GLT8D2: variants seen among roughly 807,000 people sequenced by gnomAD.
GLT8D2 encodes the protein glycosyltransferase 8 domain containing 2, also known as glycosyltransferase 8 domain-containing protein 2.
GLT8D2 carries 45 observed loss-of-function variants against 44.5 expected under a neutral mutation model. The observed-to-expected ratio is 1.01, with a 90% confidence interval of 0.80 to 1.30. GLT8D2 has a LOEUF of 1.30. Among genes scored for constraint, GLT8D2 ranks in the 50% most tolerant of loss-of-function variants. The pLI is 0.00. For missense variants in GLT8D2, 400 were observed against 430.4 expected (o/e 0.93, Z 0.62); for synonymous variants, 156 against 157.2 (o/e 0.99, Z 0.06).
At chr12:104,052,462 T>C (rs1881803144), upstream of GLT8D2, among the ~76,000 whole-genome samples, 1 of 152,228 alleles carries the variant, frequency 6.6e-6, no homozygotes, top group Non-Finnish European at 1.5e-5. Flanking sequence ...AAGTTAGCGA[T>C]GAAGCCAGGA....
intron 1 of GLT8D2, among the ~76,000 whole-genome samples, chr12:104,029,511 AAGAGAG>A (rs1298236021): frequency 6.6e-6 from 1 of 152,120 alleles, no homozygotes; most frequent in Non-Finnish European, 1.5e-5. Flanking sequence ...TGTGTGTAGA[AAGAGAG>A]AGAGTGAGAG....
intron 4 of GLT8D2, among the ~76,000 whole-genome samples, chr12:104,005,427 C>T (rs1237059758): frequency 6.6e-6 from 1 of 152,110 alleles, no homozygotes; most frequent in Non-Finnish European, 1.5e-5. Flanking sequence ...AAAGAAACTA[C>T]CATCAGAGTG....
chr12:104,030,680 C>G, intron 1 of GLT8D2: 1 of 1,561,452 alleles, frequency 6.4e-7, no homozygotes, highest in South Asian at 1.1e-5. Flanking sequence ...GAAACTCATA[C>G]AACTCAATAG....
intron 1 of GLT8D2, among the ~76,000 whole-genome samples, chr12:104,057,458 T>A (rs1281476276): frequency 6.6e-6 from 1 of 151,974 alleles, no homozygotes; most frequent in African/African-American, 2.4e-5. Flanking sequence ...GAGGTCAAGG[T>A]TGTGGTGAGC....
chr12:104,064,026 T>C lies in GLT8D2; in HGVS notation c.-500A>G, dbSNP rs1285192468. 6.6e-6 allele frequency: 1 copy of C among 152,224 alleles called. No homozygotes were observed. The highest frequency in any genetic ancestry group is 1.5e-5 in the Non-Finnish European group (1 of 68,074). The allele number at this position is 152,224 out of a possible 1,614,324, so 9.4% of individuals were successfully genotyped here. A position where few individuals can be genotyped will look rare whatever the true frequency, so the allele number is the denominator to read the frequency against. ...CCTTCGGTTCGCCCGGCAGGCTTTGTAGCGACCTTCCCTGCCCGGGTCCCA... is the reference window on the plus strand; with the variant it reads ...CCTTCGGTTCGCCCGGCAGGCTTTGCAGCGACCTTCCCTGCCCGGGTCCCA... On this transcript the variant is annotated 5_prime_UTR_variant, in exon 1 of 11. Coordinates refer to the GLT8D2 transcript ENST00000548660. The surrounding 1 kb of genome is among the most constrained non-coding windows in gnomAD (Gnocchi z 7.3).
intron 1 of GLT8D2, among the ~76,000 whole-genome samples, chr12:104,024,640 C>T (rs1457316888): frequency 1.3e-5 from 2 of 152,164 alleles, no homozygotes; most frequent in Non-Finnish European, 2.9e-5. Context: ...CTAATGATTA[C>T]TCACGTTGAG....
At chr12:104,027,790 A>C (rs1878758436) in intron 1 of GLT8D2, among the ~76,000 whole-genome samples, 1 of 152,214 alleles carries the variant, frequency 6.6e-6, no homozygotes, top group South Asian at 2.1e-4. Flanking sequence ...TAAATCTTGT[A>C]AATGATGGGG....
chr12:104,040,427 A>G (rs75108076), intron 1 of GLT8D2, among the ~76,000 whole-genome samples: 33 of 152,098 alleles, frequency 2.2e-4, no homozygotes, highest in Admixed American at 2.2e-3. Context: ...TTGAAAAAAA[A>G]ATGTTTTTTT....
rs530446653 is a variant in GLT8D2, at chr12:104,033,605, T to A, written c.-163-12114A>T. Among the ~76,000 whole-genome samples the A allele has an allele frequency of 1.4e-4, 21 of 152,250 alleles. No individual in the cohort carries two copies. In the South Asian group the frequency reaches 2.5e-3, roughly 18 times the overall value. Reference sequence around the variant, plus strand: ...GCATGGTGACTGTTATTACTAATAATGTATTGTATACTTGAAATCTACTAA... The same window carrying A: ...GCATGGTGACTGTTATTACTAATAAAGTATTGTATACTTGAAATCTACTAA... On this transcript the variant is annotated intron_variant, in intron 1 of 10. Coordinates refer to ENST00000360814, the MANE Select transcript of GLT8D2 (RefSeq NM_001384711.1).
intron 1 of GLT8D2, among the ~76,000 whole-genome samples, chr12:104,024,344 G>T (rs1878285044): frequency 6.6e-6 from 1 of 152,162 alleles, no homozygotes; most frequent in African/African-American, 2.4e-5. Flanking sequence ...TGAGGTGGGA[G>T]GATTGTTTGA....
Position 104,015,822 on chromosome 12 carries a change from T to C in GLT8D2, c.20-717A>G, listed in dbSNP as rs755301337. Reference sequence around the variant, plus strand: ...TTCAAGGCCAGCCTGGGCAATATGGTGAAACCCTATCTCTACTAAATTATA... The same window carrying C: ...TTCAAGGCCAGCCTGGGCAATATGGCGAAACCCTATCTCTACTAAATTATA... On this transcript the variant is annotated intron_variant, in intron 3 of 10. Coordinates refer to ENST00000360814, the MANE Select transcript of GLT8D2 (RefSeq NM_001384711.1). Among the ~76,000 whole-genome samples, 34 of 151,510 alleles carry C rather than the reference T, an allele frequency of 2.2e-4. 1 individual carries two copies. The highest frequency in any genetic ancestry group is 1.2e-3 in the Admixed American group (18 of 15,204).
upstream of GLT8D2, among the ~76,000 whole-genome samples, chr12:104,050,815 T>A (rs1385144322): frequency 1.2e-5 from 1 of 80,698 alleles, no homozygotes; most frequent in Non-Finnish European, 2.2e-5. Flanking sequence ...CCCTGTAATT[T>A]TACTTTTTTT....
intron 1 of GLT8D2, among the ~76,000 whole-genome samples, chr12:104,028,939 GA>G (rs370832532): frequency 0.012 from 1,750 of 144,012 alleles, 37 homozygotes; most frequent in African/African-American, 0.039. Context: ...ATCATGAAAG[GA>G]AAAAAAAAAA....
chr12:104,004,826 A>G (rs1242530085), intron 4 of GLT8D2, among the ~76,000 whole-genome samples: 1 of 152,206 alleles, frequency 6.6e-6, no homozygotes, highest in Non-Finnish European at 1.5e-5. Context: ...TTATAGATTC[A>G]ATGCCATCCC....
chr12:104,004,609 A>G lies in GLT8D2; in HGVS notation c.113-1303T>C, dbSNP rs867059773. On this transcript the variant is annotated intron_variant, in intron 4 of 10. Coordinates refer to ENST00000360814, the MANE Select transcript of GLT8D2 (RefSeq NM_001384711.1). ...TAACAGACAAACAGAGAGCCAAATC[A>G]TGAGTGAACTCCCATTCACAATTGC... is the stretch of plus-strand genomic sequence containing the variant. Among the ~76,000 whole-genome samples the G allele has an allele frequency of 3.7e-4, 57 of 152,360 alleles. 1 individual carries two copies. The highest frequency in any genetic ancestry group is 1.3e-3 in the African/African-American group (54 of 41,596).
chr12:103,994,476 T>C lies in GLT8D2; in HGVS notation c.626A>G (p.Tyr209Cys), dbSNP rs1446052188. 6.2e-7 allele frequency: 1 copy of C among 1,613,974 alleles called. No individual in the cohort carries two copies. Among genetic ancestry groups the C allele is most frequent in the East Asian group, 2.2e-5 (1 of 44,884 alleles). The part of the protein sequence containing the change: ...LQNTYMGYLD[Y>C]RKKAIKDLGI... ...AAGGTCCTTGATGGCCTTCTTCCGGTAGTCCAGATAGCCCATATATGTGTT... is the reference window on the plus strand; with the variant it reads ...AAGGTCCTTGATGGCCTTCTTCCGGCAGTCCAGATAGCCCATATATGTGTT... Residue 209 changes from tyrosine to cysteine, a missense_variant, in exon 9 of 11, where the codon TAC (tyrosine) becomes TGC (cysteine). Physicochemically the swap from Tyr to Cys is radical, Grantham distance 194. Coordinates refer to ENST00000360814, the MANE Select transcript of GLT8D2 (RefSeq NM_001384711.1).
At chr12:104,046,150 G>A (rs1881128195) in intron 1 of GLT8D2, among the ~76,000 whole-genome samples, 1 of 152,200 alleles carries the variant, frequency 6.6e-6, no homozygotes, top group South Asian at 2.1e-4. Context: ...CTTAGACAGA[G>A]CTGACTGTGA....
At chr12:104,024,271 T>C (rs114457513) in intron 1 of GLT8D2, among the ~76,000 whole-genome samples, 467 of 150,404 alleles carry the variant, frequency 3.1e-3, no homozygotes, top group African/African-American at 0.011. Context: ...ATGTGGGGAG[T>C]TAGAGAAAAA....
intron 2 of GLT8D2, 86 bp from the exon 3 acceptor site, chr12:104,019,762 A>C (rs1877387213): frequency 1.6e-5 from 13 of 813,762 alleles, no homozygotes; most frequent in Non-Finnish European, 2.4e-5. Flanking sequence ...CCTTCCCTGA[A>C]AGACTGATAT....
Sources: gnomAD v4.1 joint callset for allele counts (sites outside exome capture counted in the v4.1 genomes callset) on GRCh38, gnomAD v4.1.1 for gene constraint, Gnocchi (gnomAD v3.1) non-coding constraint, MANE v1.5 for transcripts, NCBI Gene and HGNC (gene_info 2026-07-23, HGNC 2026-07-21) for gene names.